Variants in KCNH7 observed in about 807,000 individuals in gnomAD.
KCNH7 encodes the protein voltage-gated inwardly rectifying potassium channel KCNH7.
In KCNH7, 49 loss-of-function variants were observed where a neutral mutation model predicts 120.8. The ratio of observed to expected loss-of-function variants is 0.41; its 90% CI spans 0.32 to 0.51. The LOEUF (loss-of-function observed/expected upper bound fraction) is 0.51. Ranked by LOEUF, KCNH7 falls within the 20% of genes least tolerant of loss-of-function variation. The pLI is 0.38. For missense variants in KCNH7, 1,097 were observed against 1,446.6 expected (o/e 0.76, Z 3.92); for synonymous variants, 547 against 516.1 (o/e 1.06, Z -0.81).
intron 6 of KCNH7, among the ~76,000 whole-genome samples, chr2:162,450,671 G>A (rs1359373421): frequency 6.6e-6 from 1 of 151,878 alleles, no homozygotes; most frequent in East Asian, 1.9e-4. Flanking sequence ...TTCAGGACTC[G>A]TGGCCTTCTG....
At chr2:162,409,399 G>C (rs939142987) in intron 9 of KCNH7, among the ~76,000 whole-genome samples, 1 of 151,876 alleles carries the variant, frequency 6.6e-6, no homozygotes, top group Non-Finnish European at 1.5e-5. Flanking sequence ...TAATTACCGA[G>C]TAGGAGAGGT....
chr2:162,835,161 G>T (rs1240375560), intron 2 of KCNH7, among the ~76,000 whole-genome samples: 2 of 151,868 alleles, frequency 1.3e-5, no homozygotes, highest in African/African-American at 4.8e-5. Context: ...AGAGAAACAT[G>T]GGAAGAACTT....
rs571647704 is a variant in KCNH7, at chr2:162,436,961, A to G, written c.1555-1364T>C. 7.9e-5 allele frequency among the ~76,000 whole-genome samples: 12 copies of G among 152,156 alleles called. No homozygotes were observed. In the South Asian group the frequency reaches 2.5e-3, roughly 32 times the overall value. ...TCGGCCTATACAAAAAATTAAAATA[A>G]AATAAAATAAATTAGCTGGGTATGG... On this transcript the variant is annotated intron_variant, in intron 7 of 15. Coordinates refer to ENST00000332142, the MANE Select transcript of KCNH7 (RefSeq NM_033272.4).
chr2:162,457,846 A>G (rs1037336636), intron 6 of KCNH7, among the ~76,000 whole-genome samples: 2 of 152,106 alleles, frequency 1.3e-5, no homozygotes, highest in African/African-American at 4.8e-5. Context: ...GAAGGACTTA[A>G]ACTCCCCAGG....
At chr2:162,782,436 G>C (rs1683535203) in intron 2 of KCNH7, among the ~76,000 whole-genome samples, 1 of 152,156 alleles carries the variant, frequency 6.6e-6, no homozygotes, top group Admixed American at 6.6e-5. Context: ...TTTGGAGAAA[G>C]GCATTCCAGG....
At chr2:162,467,508 C>T (rs1689348341) in intron 6 of KCNH7, among the ~76,000 whole-genome samples, 1 of 152,168 alleles carries the variant, frequency 6.6e-6, no homozygotes, top group South Asian at 2.1e-4. Flanking sequence ...CTTGCCTGTA[C>T]AAACCGGGCT....
At chr2:162,421,789 C>CA (rs1467704550) in intron 9 of KCNH7, among the ~76,000 whole-genome samples, 2 of 152,058 alleles carry the variant, frequency 1.3e-5, no homozygotes, top group Admixed American at 6.6e-5. Context: ...GACTTTATCA[C>CA]AAAAAATGGT....
chr2:162,371,801 T>C lies in KCNH7; in HGVS notation c.*28A>G. ...AAACAGCCATTAAAAGCACTTACAT[T>C]GTATGTGGAGTAAATAGTACAAAAT... On this transcript the variant is annotated 3_prime_UTR_variant, in exon 16 of 16. Transcript: ENST00000332142. 6.3e-7 allele frequency: 1 copy of C among 1,585,278 alleles called. No individual in the cohort carries two copies. The highest frequency in any genetic ancestry group is 1.4e-5 in the African/African-American group (1 of 74,072).
At chr2:162,638,692 G>A (rs1285272646) in intron 2 of KCNH7, among the ~76,000 whole-genome samples, 1 of 152,078 alleles carries the variant, frequency 6.6e-6, no homozygotes, top group Non-Finnish European at 1.5e-5. Flanking sequence ...TGAAATTTCT[G>A]TGTGCAAACA....
At chr2:162,704,970 A>C (rs1686643273) in intron 2 of KCNH7, among the ~76,000 whole-genome samples, 2 of 152,144 alleles carry the variant, frequency 1.3e-5, no homozygotes, top group African/African-American at 4.8e-5. Context: ...AAATGAATTA[A>C]GTTTTTTAGC....
At chr2:162,429,783 C>T (rs536464100) in intron 8 of KCNH7, among the ~76,000 whole-genome samples, 12 of 150,632 alleles carry the variant, frequency 8.0e-5, no homozygotes, top group African/African-American at 3.0e-4. Context: ...ATTCACTGGA[C>T]TTCTTGGATA....
At chr2:162,545,741 T>C (rs1692456855) in intron 2 of KCNH7, among the ~76,000 whole-genome samples, 1 of 152,180 alleles carries the variant, frequency 6.6e-6, no homozygotes, top group Non-Finnish European at 1.5e-5. Flanking sequence ...GATCAGGTTT[T>C]ATAACATAAA....
At chr2:162,382,853 C>A (rs928422670) in intron 13 of KCNH7, among the ~76,000 whole-genome samples, 20 of 152,042 alleles carry the variant, frequency 1.3e-4, no homozygotes, top group African/African-American at 4.3e-4. Flanking sequence ...ATTAGCCAGG[C>A]TAACCATGTG....
At chr2:162,764,556 A>G (rs560757305) in intron 2 of KCNH7, among the ~76,000 whole-genome samples, 1 of 152,282 alleles carries the variant, frequency 6.6e-6, no homozygotes, top group East Asian at 1.9e-4. Context: ...TATAGAATAG[A>G]CTTATTTTTC....
chr2:162,627,402 A>G (rs1005522765), intron 2 of KCNH7, among the ~76,000 whole-genome samples: 12 of 152,188 alleles, frequency 7.9e-5, no homozygotes, highest in African/African-American at 2.9e-4. Context: ...TGGACACTGA[A>G]GCAAAATTAA....
At position 162,687,586 on chromosome 2, in the gene KCNH7, T is replaced by C. The variant is rs971745398; in HGVS notation, c.307+148951A>G. 3.3e-5 allele frequency among the ~76,000 whole-genome samples: 5 copies of C among 152,172 alleles called. No homozygotes were observed. The South Asian group carries it at 8.3e-4, about 25-fold the overall frequency. On this transcript the variant is annotated intron_variant, in intron 2 of 15. Coordinates refer to ENST00000332142, the MANE Select transcript of KCNH7 (RefSeq NM_033272.4). ...CATTCAGCGATGTCACCTTGGTAGC[T>C]TGAGATCAGCTATGTTGGAAATATT...
intron 2 of KCNH7, among the ~76,000 whole-genome samples, chr2:162,540,254 C>T (rs1256017274): frequency 6.7e-6 from 1 of 150,322 alleles, no homozygotes; most frequent in Non-Finnish European, 1.5e-5. Context: ...TAAAATTATA[C>T]ATGCAAATAT....
At chr2:162,390,993 G>A (rs1316402545) in intron 12 of KCNH7, among the ~76,000 whole-genome samples, 1 of 151,950 alleles carries the variant, frequency 6.6e-6, no homozygotes, top group Non-Finnish European at 1.5e-5. Context: ...CAGGCGGCAG[G>A]TGTGGATCAA....
chr2:162,418,379 C>G (rs1687600577), intron 9 of KCNH7, among the ~76,000 whole-genome samples: 1 of 151,980 alleles, frequency 6.6e-6, no homozygotes, highest in South Asian at 2.1e-4. Context: ...CTGTATTTAT[C>G]AACTTCAGTA....
Sources: allele counts gnomAD v4.1 joint callset (sites outside exome capture counted in the v4.1 genomes callset), GRCh38; gene constraint gnomAD v4.1.1; transcripts MANE v1.5; gene names NCBI Gene and HGNC (gene_info 2026-07-23, HGNC 2026-07-21).